The following RIMKLB variants were observed in gnomAD, a reference collection of about 807,000 sequenced individuals.
RIMKLB encodes the protein beta-citrylglutamate synthase B.
A neutral mutation model predicts 32.0 loss-of-function variants in RIMKLB; 7 were observed. That is an observed-to-expected ratio of 0.22 (90% CI 0.12 to 0.41). RIMKLB has a LOEUF of 0.41. Ranked by LOEUF, RIMKLB falls within the 10% of genes least tolerant of loss-of-function variation. The pLI is 1.00. For synonymous variants in RIMKLB, 172 were observed against 185.1 expected (o/e 0.93, Z 0.57); for missense variants, 289 against 498.7 (o/e 0.58, Z 4.00).
chr12:8,712,564 CAG>C (rs1944462622), intron 1 of RIMKLB, among the ~76,000 whole-genome samples: 1 of 152,172 alleles, frequency 6.6e-6, no homozygotes, highest in Non-Finnish European at 1.5e-5. Context: ...GCTTGTTTAA[CAG>C]AGACTTAGGC....
intron 5 of RIMKLB, among the ~76,000 whole-genome samples, chr12:8,760,654 T>C (rs929706490): frequency 1.4e-5 from 2 of 144,486 alleles, no homozygotes; most frequent in Non-Finnish European, 1.6e-5. Context: ...TGTGAGATGG[T>C]ATCTTATTGT....
intron 3 of RIMKLB, 63 bp from the exon 4 acceptor site, chr12:8,751,894 T>TA (rs748536334): frequency 6.7e-5 from 73 of 1,097,476 alleles, no homozygotes; most frequent in Non-Finnish European, 9.6e-5. Flanking sequence ...TTAGCGTTGA[T>TA]AAAATTGATC....
At chr12:8,715,196 T>C (rs1944708877) in intron 2 of RIMKLB, among the ~76,000 whole-genome samples, 1 of 151,964 alleles carries the variant, frequency 6.6e-6, no homozygotes, top group Non-Finnish European at 1.5e-5. Flanking sequence ...TGTTTCTTTG[T>C]TGTTTTGCTT....
chr12:8,774,740 G>A lies in RIMKLB; in HGVS notation c.*956G>A. The A allele has an allele frequency of 3.0e-6, 3 of 985,330 alleles. No homozygotes were observed. The highest frequency in any genetic ancestry group is 2.4e-6 in the Non-Finnish European group (2 of 829,752). 61.0% of individuals were successfully genotyped at this position (985,330 alleles called of 1,614,324 possible). A position where few individuals can be genotyped will look rare whatever the true frequency, so the allele number is the denominator to read the frequency against. On this transcript the variant is annotated 3_prime_UTR_variant, in exon 6 of 6. Transcript: ENST00000535829. ...TTTTTCCCTTTTTGTTTTGGTAGTTGGGCATTTAAATAAGGACAAGGAAAA... is the reference window on the plus strand; with the variant it reads ...TTTTTCCCTTTTTGTTTTGGTAGTTAGGCATTTAAATAAGGACAAGGAAAA...
downstream of RIMKLB, among the ~76,000 whole-genome samples, chr12:8,781,558 T>C (rs1951045568): frequency 6.6e-6 from 1 of 152,254 alleles, no homozygotes; most frequent in African/African-American, 2.4e-5. Flanking sequence ...CTTATCTGGC[T>C]GGGCTTTTCC....
At position 8,776,988 on chromosome 12, in the gene RIMKLB, T is replaced by G. The variant is rs1252512642; in HGVS notation, c.*3204T>G. 2 of 985,732 alleles carry G rather than the reference T, an allele frequency of 2.0e-6. No individual in the cohort carries two copies. Among genetic ancestry groups the G allele is most frequent in the Admixed American group, 6.2e-5 (1 of 16,252 alleles). 61.1% of individuals were successfully genotyped at this position (985,732 alleles called of 1,614,324 possible). On this transcript the variant is annotated 3_prime_UTR_variant, in exon 6 of 6. Coordinates refer to ENST00000535829, the MANE Select transcript of RIMKLB (RefSeq NM_001297776.2). The stretch of plus-strand genomic sequence containing the variant: ...GAAATCAAATCTTGTGTTATACTTT[T>G]CTCCTGGCTCACTTTTTTTGAGAAG...
chr12:8,767,769 G>C (rs1166654994), intron 5 of RIMKLB, among the ~76,000 whole-genome samples: 1 of 152,096 alleles, frequency 6.6e-6, no homozygotes, highest in Admixed American at 6.6e-5. Flanking sequence ...CAGAAGGTTT[G>C]GGTTTGTTAG....
At chr12:8,712,413 AAAAT>A (rs1312302352) in intron 1 of RIMKLB, among the ~76,000 whole-genome samples, 8 of 152,286 alleles carry the variant, frequency 5.3e-5, no homozygotes, top group South Asian at 2.1e-4. Flanking sequence ...ACTCTATCTC[AAAAT>A]AAATAAATAA....
intron 5 of RIMKLB, among the ~76,000 whole-genome samples, chr12:8,757,129 T>C (rs1455093016): frequency 3.3e-5 from 5 of 152,232 alleles, no homozygotes; most frequent in African/African-American, 4.8e-5. Flanking sequence ...TTTACTTTAC[T>C]ACATTGAGAT....
downstream of RIMKLB, among the ~76,000 whole-genome samples, chr12:8,778,821 G>A (rs943235941): frequency 6.6e-5 from 10 of 152,276 alleles, no homozygotes; most frequent in East Asian, 5.8e-4. Flanking sequence ...GGCTTTGGAC[G>A]TACTATCCAA....
chr12:8,722,682 GTT>G (rs1945575480), intron 2 of RIMKLB, among the ~76,000 whole-genome samples: 1 of 152,222 alleles, frequency 6.6e-6, no homozygotes, highest in Non-Finnish European at 1.5e-5. Flanking sequence ...GCAAAAGGCT[GTT>G]TTGTCTACAT....
intron 2 of RIMKLB, among the ~76,000 whole-genome samples, chr12:8,738,110 A>G (rs2137434082): frequency 6.6e-6 from 1 of 152,310 alleles, no homozygotes; most frequent in East Asian, 1.9e-4. Flanking sequence ...TGTCAGGGTT[A>G]GGGACAGTGG....
intron 2 of RIMKLB, among the ~76,000 whole-genome samples, chr12:8,724,309 T>C (rs1312706165): frequency 6.6e-6 from 1 of 152,236 alleles, no homozygotes; most frequent in Admixed American, 6.5e-5. Context: ...ATTGATTTTT[T>C]TTCTTCCTGA....
rs779115866 is a variant in RIMKLB, at chr12:8,776,447, T to C, written c.*2663T>C. 1.2e-4 allele frequency: 101 copies of C among 845,520 alleles called. No homozygotes were observed. The Admixed American group carries it at 3.6e-3, about 30-fold the overall frequency. The allele number at this position is 845,520 out of a possible 1,614,324, so 52.4% of individuals were successfully genotyped here. A position where few individuals can be genotyped will look rare whatever the true frequency, so the allele number is the denominator to read the frequency against. On this transcript the variant is annotated 3_prime_UTR_variant, in exon 6 of 6. Transcript: ENST00000535829. The stretch of plus-strand genomic sequence containing the variant: ...CTTATTTTCATAATTGTTTAATAAC[T>C]TTTGTATAATCTTCATTGCTATTAT...
chr12:8,781,530 G>T (rs1356056773), downstream of RIMKLB, among the ~76,000 whole-genome samples: 4 of 152,122 alleles, frequency 2.6e-5, no homozygotes, highest in East Asian at 1.9e-4. Flanking sequence ...CACCCTGCCT[G>T]TTCACCTTTC....
Position 8,701,645 on chromosome 12 carries a change from C to A in RIMKLB, c.-57+3348C>A, listed in dbSNP as rs946018047. On this transcript the variant is annotated intron_variant, in intron 1 of 5. Transcript: ENST00000535829. The stretch of plus-strand genomic sequence containing the variant: ...TATGGGAAGTAAGCACAGGCCTGAT[C>A]TCTTTTTTTTTTTTTTTTTAAGAGA... 1.1e-3 allele frequency among the ~76,000 whole-genome samples: 163 copies of A among 143,196 alleles called. 1 individual carries two copies. The highest frequency in any genetic ancestry group is 1.9e-3 in the Admixed American group (27 of 14,492). 93.9% of individuals were successfully genotyped at this position (143,196 alleles called of 152,430 possible).
chr12:8,673,550 C>A, the RIMKLB span, among the ~76,000 whole-genome samples: 6 of 151,904 alleles, frequency 3.9e-5, no homozygotes, highest in East Asian at 1.2e-3. Context: ...TGGCAGAAGC[C>A]TCAGTTATCT....
At chr12:8,681,056 G>T (rs751473056), upstream of RIMKLB, among the ~76,000 whole-genome samples, 12 of 151,662 alleles carry the variant, frequency 7.9e-5, no homozygotes, top group Non-Finnish European at 1.8e-4. Flanking sequence ...ACAATCTTGG[G>T]CTCAAATGAT....
upstream of RIMKLB, among the ~76,000 whole-genome samples, chr12:8,695,204 G>A (rs879930998): frequency 2.7e-5 from 2 of 73,388 alleles, no homozygotes; most frequent in African/African-American, 1.0e-4. Flanking sequence ...CCCCCGCCCC[G>A]CCCCGCCCGG....
Sources: allele counts gnomAD v4.1 joint callset (sites outside exome capture counted in the v4.1 genomes callset), GRCh38; gene constraint gnomAD v4.1.1; transcripts MANE v1.5; gene names NCBI Gene and HGNC (gene_info 2026-07-23, HGNC 2026-07-21).